Variants in ENGASE observed in about 807,000 individuals in gnomAD.
ENGASE encodes the protein cytosolic endo-beta-N-acetylglucosaminidase.
ENGASE carries 69 observed loss-of-function variants against 78.5 expected under a neutral mutation model. That is an observed-to-expected ratio of 0.88 (90% confidence interval 0.72 to 1.07). The LOEUF (loss-of-function observed/expected upper bound fraction) is 1.07. Among genes scored for constraint, ENGASE ranks in the 50% least tolerant of loss-of-function variants. The pLI is 0.00. For missense variants in ENGASE, 943 were observed against 988.4 expected (o/e 0.95, Z 0.62); for synonymous variants, 408 against 408.9 (o/e 1.00, Z 0.03).
At position 79,077,426 on chromosome 17, in the gene ENGASE, T is replaced by G; in HGVS notation, c.147-4T>G. 6.3e-7 allele frequency: 1 copy of G among 1,595,116 alleles called. No homozygotes were observed. The highest frequency in any genetic ancestry group is 1.2e-5 in the South Asian group (1 of 86,808). ...TATAAATGTACAACTCCCTCTTTGC[T>G]TAGCATCAAAGATGAAGAAGAAGAG... On this transcript the variant is annotated splice_region_variant and splice_polypyrimidine_tract_variant and intron_variant, in intron 1 of 13. Coordinates refer to ENST00000579016, the MANE Select transcript of ENGASE (RefSeq NM_001042573.3).
intron 5 of ENGASE, 80 bp from the exon 6 acceptor site, chr17:79,080,842 CCCT>C: frequency 6.6e-7 from 1 of 1,504,376 alleles, no homozygotes; most frequent in Non-Finnish European, 8.9e-7. Context: ...CTCTGCATCC[CCCT>C]GTCTGTCCAG....
intron 7 of ENGASE, 117 bp from the exon 8 acceptor site, chr17:79,082,903 C>T (rs763958437): frequency 2.0e-5 from 31 of 1,569,174 alleles, no homozygotes; most frequent in Middle Eastern, 1.7e-4. Context: ...AGGGGTTGGA[C>T]AGCTTCCCCC....
intron 2 of ENGASE, 49 bp from the exon 3 acceptor site, chr17:79,077,614 T>C: frequency 6.2e-7 from 1 of 1,606,222 alleles, no homozygotes; most frequent in Non-Finnish European, 8.5e-7. Flanking sequence ...TTTCGATTAA[T>C]CCTATAATAG....
chr17:79,084,244 C>T (rs2073228420), intron 10 of ENGASE: 2 of 470,834 alleles, frequency 4.2e-6, no homozygotes, highest in South Asian at 2.9e-5. Flanking sequence ...CCCCCATCCT[C>T]CCCCAGCCCC....
At chr17:79,082,773 G>T in intron 7 of ENGASE, 1 of 1,468,702 alleles carries the variant, frequency 6.8e-7, no homozygotes, top group Non-Finnish European at 9.1e-7. Context: ...GCCAGTTGGG[G>T]CCCAGCCCCT....
chr17:79,081,895 C>A lies in ENGASE; in HGVS notation c.873-3C>A, dbSNP rs771268814. The stretch of plus-strand genomic sequence containing the variant: ...CTCACAGCAGGTCCTTGTTGCTTCT[C>A]AGGGTCTTCTTTGATTCCTGCGACG... On this transcript the variant is annotated splice_polypyrimidine_tract_variant and splice_region_variant and intron_variant, in intron 6 of 13. Coordinates refer to ENST00000579016, the MANE Select transcript of ENGASE (RefSeq NM_001042573.3). 3.1e-6 allele frequency: 5 copies of A among 1,608,710 alleles called. No individual in the cohort carries two copies. The highest frequency in any genetic ancestry group is 1.7e-5 in the Admixed American group (1 of 59,668).
chr17:79,088,582 A>G lies in ENGASE; in HGVS notation c.*2233A>G, dbSNP rs2073404446. 6.6e-6 allele frequency: 1 copy of G among 152,226 alleles called. No individual in the cohort carries two copies. The highest frequency in any genetic ancestry group is 2.4e-5 in the African/African-American group (1 of 41,436). 9.4% of individuals were successfully genotyped at this position (152,226 alleles called of 1,614,324 possible). On this transcript the variant is annotated 3_prime_UTR_variant, in exon 14 of 14. Transcript: ENST00000579016. ...GCTGGGTGTAACTGCGCTGAAATAA[A>G]TGATCTGACAATGTGAAGCGTGCAG...
At chr17:79,082,636 G>A (rs1191650846) in intron 7 of ENGASE, 47 of 1,296,310 alleles carry the variant, frequency 3.6e-5, no homozygotes, top group Non-Finnish European at 4.5e-5. Flanking sequence ...CCCCAGGGAT[G>A]TTCTCAGCCC....
chr17:79,079,659 CTG>C (rs2073073497), intron 4 of ENGASE, 22 bp downstream of exon 4: 2 of 1,605,948 alleles, frequency 1.2e-6, no homozygotes, highest in African/African-American at 2.7e-5. Flanking sequence ...GGACTCACCT[CTG>C]TGTCAGCCAG....
In ENGASE at chr17:79,084,669, G is replaced by T. The variant is rs200886209; in HGVS notation, c.1574G>T (p.Gly525Val). 1.2e-6 allele frequency: 2 copies of T among 1,613,120 alleles called. No homozygotes were observed. The highest frequency in any genetic ancestry group is 1.7e-6 in the Non-Finnish European group (2 of 1,179,784). ...TGDAGSCHIG[G>V]ISVLNAETSS... ...GATGCCGGCAGCTGCCACATCGGTGGCATCTCAGTGTTGAACGGTGAGGTA... is the reference window on the plus strand; with the variant it reads ...GATGCCGGCAGCTGCCACATCGGTGTCATCTCAGTGTTGAACGGTGAGGTA... Residue 525 changes from glycine (G) to valine (V), a missense_variant, in exon 11 of 14, where the codon GGC (glycine) becomes GTC (valine). Coordinates refer to ENST00000579016, the MANE Select transcript of ENGASE (RefSeq NM_001042573.3).
chr17:79,084,448 G>A (rs1293206532), intron 10 of ENGASE, 90 bp from the exon 11 acceptor site: 30 of 1,340,192 alleles, frequency 2.2e-5, no homozygotes, highest in Non-Finnish European at 2.8e-5. Flanking sequence ...CCCTGTTCCT[G>A]GAGGGAGGGG....
In ENGASE at chr17:79,087,080, G is replaced by A; in HGVS notation, c.*731G>A. 4 of 461,632 alleles carry A rather than the reference G, an allele frequency of 8.7e-6. No individual in the cohort carries two copies. The highest frequency in any genetic ancestry group is 3.3e-4 in the Middle Eastern group (1 of 3,070). The allele number at this position is 461,632 out of a possible 1,614,324, so 28.6% of individuals were successfully genotyped here. On this transcript the variant is annotated 3_prime_UTR_variant, in exon 14 of 14. Transcript: ENST00000579016. ...CTGCGGCGTCTCTTCCGGGCTGTGG[G>A]CATGCAGGGAAGTGGCTCTGAGGCA...
At chr17:79,079,986 C>T (rs930142326) in intron 4 of ENGASE, among the ~76,000 whole-genome samples, 24 of 152,280 alleles carry the variant, frequency 1.6e-4, no homozygotes, top group Non-Finnish European at 8.8e-5. Context: ...AACAATGCTT[C>T]TCAGCTTTAG....
At position 79,081,778 on chromosome 17, in the gene ENGASE, G is replaced by A. The variant is rs548530465; in HGVS notation, c.873-120G>A. On this transcript the variant is annotated intron_variant, in intron 6 of 13. Coordinates refer to ENST00000579016, the MANE Select transcript of ENGASE (RefSeq NM_001042573.3). The stretch of plus-strand genomic sequence containing the variant: ...GGGTGGGGTGGGGTGGGGTGGGGTG[G>A]GGTGGGGTGGGCCCATCCCTCTGAG... The A allele has an allele frequency of 5.2e-4, 675 of 1,300,304 alleles. 2 individuals carry two copies. In the African/African-American group the frequency reaches 9.0e-3, roughly 17 times the overall value. 80.5% of individuals were successfully genotyped at this position (1,300,304 alleles called of 1,614,324 possible).
chr17:79,084,204 A>G (rs1255711849), intron 10 of ENGASE: 2 of 551,114 alleles, frequency 3.6e-6, no homozygotes, highest in Non-Finnish European at 6.3e-6. Context: ...GTCATCTTGT[A>G]GGACTGGACT....
chr17:79,080,052 CAG>C (rs1204337057), intron 4 of ENGASE, among the ~76,000 whole-genome samples, 153 bp from the exon 5 acceptor site: 1 of 152,264 alleles, frequency 6.6e-6, no homozygotes, highest in Non-Finnish European at 1.5e-5. Flanking sequence ...TCTGCACTGG[CAG>C]AGTGTCTGAT....
chr17:79,075,826 T>C, intron 1 of ENGASE: 1 of 985,296 alleles, frequency 1.0e-6, no homozygotes, highest in Non-Finnish European at 1.2e-6. Context: ...GGGAAAGATA[T>C]TTTTGGACAG....
At position 79,086,033 on chromosome 17, in the gene ENGASE, C is replaced by G; in HGVS notation, c.1916C>G (p.Pro639Arg). 1 of 1,613,094 alleles carries G rather than the reference C, an allele frequency of 6.2e-7. No individual in the cohort carries two copies. The highest frequency in any genetic ancestry group is 8.5e-7 in the Non-Finnish European group (1 of 1,180,040). The change falls in exon 14 of 14, where the codon CCC becomes CGC. Residue 639 changes from proline to arginine, a missense_variant. Transcript: ENST00000579016. ...WQPSASEREGPPALLQLSCTL... is the reference protein window; with the variant it reads ...WQPSASEREGRPALLQLSCTL... ...CCATCCGCCTCTGAGCGGGAGGGGCCCCCTGCTCTGCTCCAGCTCAGCTGC... is the reference window on the plus strand; with the variant it reads ...CCATCCGCCTCTGAGCGGGAGGGGCGCCCTGCTCTGCTCCAGCTCAGCTGC...
chr17:79,086,116 G>T lies in ENGASE; in HGVS notation c.1999G>T (p.Gly667Ter). Residue 667 changes from glycine to a stop codon, truncating the protein, a stop_gained, in exon 14 of 14, where the codon GGA (glycine) becomes TGA (stop). Coordinates refer to ENST00000579016, the MANE Select transcript of ENGASE (RefSeq NM_001042573.3). LOFTEE classifies it low-confidence loss of function (END_TRUNC). ...CCGTTGCTTCCGAATCCACTGCTGG[G>T]GAGGGATGAGTGATGACTCTCCGGG... ...QVRCFRIHCW[G>*]GMSDDSPGRE... 1.9e-6 allele frequency: 3 copies of T among 1,613,760 alleles called. No homozygotes were observed. Among genetic ancestry groups the T allele is most frequent in the Non-Finnish European group, 2.5e-6 (3 of 1,180,046 alleles).
Sources: allele counts gnomAD v4.1 joint callset (sites outside exome capture counted in the v4.1 genomes callset), GRCh38; gene constraint gnomAD v4.1.1; transcripts MANE v1.5; gene names NCBI Gene and HGNC (gene_info 2026-07-23, HGNC 2026-07-21).